The following MRPL48 variants were observed in gnomAD, a reference collection of about 807,000 sequenced individuals.
MRPL48 encodes mitochondrial ribosomal protein L48.
In MRPL48, 16 loss-of-function variants were observed where a neutral mutation model predicts 32.9. The observed-to-expected ratio is 0.49, with a 90% CI of 0.33 to 0.74. The LOEUF (loss-of-function observed/expected upper bound fraction) is 0.74. MRPL48 is among the 30% of genes least tolerant of loss of function. MRPL48 has a pLI of 0.02. For missense variants in MRPL48, 206 were observed against 245.3 expected (o/e 0.84, Z 1.07); for synonymous variants, 94 against 89.2 (o/e 1.05, Z -0.31).
intron 1 of MRPL48, among the ~76,000 whole-genome samples, chr11:73,794,612 G>A (rs1350462713): frequency 1.3e-5 from 2 of 152,072 alleles, no homozygotes; most frequent in East Asian, 1.9e-4. Flanking sequence ...ATTTTAGATG[G>A]TGACCACAAG....
intron 5 of MRPL48, among the ~76,000 whole-genome samples, chr11:73,847,174 G>A (rs1948307529): frequency 6.6e-6 from 1 of 152,082 alleles, no homozygotes; most frequent in African/African-American, 2.4e-5. Flanking sequence ...CACCAGCAAT[G>A]TATGAGACTT....
At chr11:73,799,008 A>AAAT (rs58872877) in intron 1 of MRPL48, among the ~76,000 whole-genome samples, 2 of 145,330 alleles carry the variant, frequency 1.4e-5, no homozygotes, top group Non-Finnish European at 3.0e-5. Flanking sequence ...AAAAAAAAAA[A>AAAT]GAAAGAAAAG....
intron 3 of MRPL48, among the ~76,000 whole-genome samples, chr11:73,814,788 G>A (rs1479125318): frequency 3.3e-5 from 5 of 151,916 alleles, no homozygotes; most frequent in East Asian, 1.9e-4. Context: ...GAGGTCAGGA[G>A]TTCTAGACCA....
rs140713033 is a variant in MRPL48 at position 73,857,288 on chromosome 11, G to A, written c.372-2619G>A. On this transcript the variant is annotated intron_variant, in intron 5 of 7. Transcript: ENST00000310614. ...AGGGACTACAGGCGCTCACCACCAC[G>A]CCCAGCTAATTTTTTGTATTTTTAG... Among the ~76,000 whole-genome samples, 362 of 151,496 alleles carry A rather than the reference G, an allele frequency of 2.4e-3. 1 individual carries two copies. Among genetic ancestry groups the A allele is most frequent in the African/African-American group, 8.3e-3 (344 of 41,300 alleles).
At chr11:73,862,460 A>G (rs956693745) in intron 6 of MRPL48, among the ~76,000 whole-genome samples, 7 of 151,510 alleles carry the variant, frequency 4.6e-5, no homozygotes, top group South Asian at 2.1e-4. Flanking sequence ...TTAGCCAGGC[A>G]TGGTGGCAGG....
At chr11:73,853,012 C>T (rs546989578) in intron 5 of MRPL48, among the ~76,000 whole-genome samples, 1 of 152,158 alleles carries the variant, frequency 6.6e-6, no homozygotes, top group South Asian at 2.1e-4. Context: ...ACAAACATTG[C>T]ATGTTGTCAT....
intron 4 of MRPL48, among the ~76,000 whole-genome samples, chr11:73,840,835 ATAAAG>A (rs1232585943): frequency 6.6e-6 from 1 of 152,170 alleles, no homozygotes; most frequent in Non-Finnish European, 1.5e-5. Flanking sequence ...TAAAATAAAA[ATAAAG>A]TAAAAAGGGA....
chr11:73,822,262 A>G (rs1947797272), intron 3 of MRPL48, among the ~76,000 whole-genome samples: 1 of 152,056 alleles, frequency 6.6e-6, no homozygotes, highest in African/African-American at 2.4e-5. Context: ...CTGTTTCCTC[A>G]TCTGAACCTA....
intron 3 of MRPL48, among the ~76,000 whole-genome samples, chr11:73,808,711 C>T (rs1227377825): frequency 1.3e-5 from 2 of 152,132 alleles, no homozygotes; most frequent in African/African-American, 4.8e-5. Context: ...CACCTGAGGT[C>T]AGGAGTTCGA....
chr11:73,848,285 T>A (rs553543404), intron 5 of MRPL48, among the ~76,000 whole-genome samples: 1 of 152,128 alleles, frequency 6.6e-6, no homozygotes, highest in Non-Finnish European at 1.5e-5. Flanking sequence ...CAGTTGACCA[T>A]GTATATGTGG....
intron 4 of MRPL48, among the ~76,000 whole-genome samples, chr11:73,837,789 G>A (rs34095255): frequency 0.055 from 8,376 of 152,116 alleles, 256 homozygotes; most frequent in Middle Eastern, 0.11. Flanking sequence ...GCCTTCATGT[G>A]CAGTCAGGTT....
chr11:73,841,766 A>G (rs1948190300), intron 4 of MRPL48, among the ~76,000 whole-genome samples: 1 of 152,198 alleles, frequency 6.6e-6, no homozygotes, highest in South Asian at 2.1e-4. Context: ...AATGCAATAA[A>G]AATTTACTAA....
Position 73,787,877 on chromosome 11 carries a change from A to C in MRPL48, c.-95A>C. 1.3e-6 allele frequency: 2 copies of C among 1,492,354 alleles called. No individual in the cohort carries two copies. The highest frequency in any genetic ancestry group is 1.8e-6 in the Non-Finnish European group (2 of 1,103,434). The allele number at this position is 1,492,354 out of a possible 1,614,324, so 92.4% of individuals were successfully genotyped here. A position where few individuals can be genotyped will look rare whatever the true frequency, so the allele number is the denominator to read the frequency against. On this transcript the variant is annotated 5_prime_UTR_variant, in exon 1 of 8. Coordinates refer to ENST00000310614, the MANE Select transcript of MRPL48 (RefSeq NM_016055.6). ...TGGGATATTGCTGCTGCACCTGGTC[A>C]AGGCCGTTCCTTCAGTGTTTTCAGA... is the stretch of plus-strand genomic sequence containing the variant.
intron 1 of MRPL48, among the ~76,000 whole-genome samples, chr11:73,791,382 T>G (rs1322733038): frequency 6.6e-6 from 1 of 152,122 alleles, no homozygotes; most frequent in Non-Finnish European, 1.5e-5. Flanking sequence ...CTTTCCTCAT[T>G]AGAAGTTTTG....
intron 4 of MRPL48, among the ~76,000 whole-genome samples, chr11:73,844,395 C>T (rs1948248583): frequency 1.3e-5 from 2 of 151,532 alleles, no homozygotes; most frequent in African/African-American, 4.9e-5. Context: ...TGCGCCACTG[C>T]CACTCCAGCC....
chr11:73,794,087 T>C (rs1214998254), intron 1 of MRPL48, among the ~76,000 whole-genome samples: 1 of 151,688 alleles, frequency 6.6e-6, no homozygotes, highest in Non-Finnish European at 1.5e-5. Context: ...CTCGGGAGGC[T>C]GAGGTGGGAG....
chr11:73,791,738 T>C (rs1234647838), intron 1 of MRPL48, among the ~76,000 whole-genome samples: 1 of 152,178 alleles, frequency 6.6e-6, no homozygotes, highest in Non-Finnish European at 1.5e-5. Flanking sequence ...TTCTTGTCTA[T>C]ATGCACCCAC....
chr11:73,810,708 GC>G (rs980077217), intron 3 of MRPL48, among the ~76,000 whole-genome samples: 1 of 151,010 alleles, frequency 6.6e-6, no homozygotes, highest in Admixed American at 6.6e-5. Flanking sequence ...CTCTCCACTA[GC>G]CCCCCACCCC....
chr11:73,797,426 G>T (rs1376902109), intron 1 of MRPL48, among the ~76,000 whole-genome samples: 2 of 152,224 alleles, frequency 1.3e-5, no homozygotes, highest in African/African-American at 2.4e-5. Context: ...AAGAAGAGCT[G>T]CAGCCCTTCA....
Sources: allele counts gnomAD v4.1 joint callset (sites outside exome capture counted in the v4.1 genomes callset), GRCh38; gene constraint gnomAD v4.1.1; transcripts MANE v1.5; gene names NCBI Gene and HGNC (gene_info 2026-07-23, HGNC 2026-07-21).